The following SLC12A2 variants were observed in gnomAD, a reference collection of about 807,000 sequenced individuals.
The protein encoded by SLC12A2 is solute carrier family 12 member 2.
Under a neutral mutation model 136.3 loss-of-function variants are expected in SLC12A2, and 67 were observed. The ratio of observed to expected loss-of-function variants is 0.49; its 90% CI spans 0.40 to 0.60. The LOEUF (loss-of-function observed/expected upper bound fraction) is 0.60, where lower values mean the gene tolerates loss of function less well. Ranked by LOEUF, SLC12A2 falls within the 20% of genes least tolerant of loss-of-function variation. The pLI is 0.00. For missense variants in SLC12A2, 1,322 were observed against 1,534.7 expected (o/e 0.86, Z 2.32); for synonymous variants, 619 against 562.9 (o/e 1.10, Z -1.41).
intron 1 of SLC12A2, among the ~76,000 whole-genome samples, chr5:128,108,734 T>C (rs879757218): frequency 6.6e-6 from 1 of 152,228 alleles, no homozygotes. Flanking sequence ...TTTGTAGATA[T>C]ACGAAAAATC....
At chr5:128,104,640 GAAAA>G (rs564503110) in intron 1 of SLC12A2, among the ~76,000 whole-genome samples, 1 of 138,600 alleles carries the variant, frequency 7.2e-6, no homozygotes, top group African/African-American at 2.8e-5. Flanking sequence ...TCAAAAAAAA[GAAAA>G]AAAAATATAT....
At chr5:128,108,897 C>G (rs1761039805) in intron 1 of SLC12A2, among the ~76,000 whole-genome samples, 1 of 152,102 alleles carries the variant, frequency 6.6e-6, no homozygotes. Context: ...TGGGGGCATC[C>G]TTTTTATAGT....
intron 22 of SLC12A2, among the ~76,000 whole-genome samples, chr5:128,179,636 A>G (rs1377340341): frequency 1.3e-5 from 2 of 152,138 alleles, no homozygotes; most frequent in African/African-American, 4.8e-5. Flanking sequence ...AGCAAGAGTG[A>G]GAGAGTCATA....
Position 128,138,586 on chromosome 5 carries a change from G to T in SLC12A2, c.1409-11G>T, listed in dbSNP as rs1255380030. ...CTCCATTAATTGTCAAGAATATTTT[G>T]TTCTCTGCAGCTGAAATATTTAATG... is the stretch of plus-strand genomic sequence containing the variant. On this transcript the variant is annotated splice_polypyrimidine_tract_variant and intron_variant, in intron 7 of 26. Transcript: ENST00000262461. The T allele has an allele frequency of 6.2e-7, 1 of 1,601,650 alleles. No individual in the cohort carries two copies. Among genetic ancestry groups the T allele is most frequent in the African/African-American group, 1.4e-5 (1 of 73,904 alleles).
chr5:128,106,582 T>G (rs1296908044), intron 1 of SLC12A2, among the ~76,000 whole-genome samples: 1 of 152,204 alleles, frequency 6.6e-6, no homozygotes, highest in Admixed American at 6.5e-5. Flanking sequence ...ATTGTAGAGA[T>G]AACTAAAACA....
At chr5:128,142,672 G>T (rs1244296612) in intron 10 of SLC12A2, among the ~76,000 whole-genome samples, 1 of 151,868 alleles carries the variant, frequency 6.6e-6, no homozygotes, top group African/African-American at 2.4e-5. Context: ...GTTGATCTTC[G>T]TGTCTGTCCT....
chr5:128,153,203 G>T (rs527918337), intron 15 of SLC12A2, among the ~76,000 whole-genome samples: 1 of 152,212 alleles, frequency 6.6e-6, no homozygotes, highest in East Asian at 1.9e-4. Context: ...CAAAGAATCA[G>T]TGCTTATACT....
intron 1 of SLC12A2, among the ~76,000 whole-genome samples, chr5:128,101,078 A>G (rs1206590560): frequency 1.3e-5 from 2 of 152,166 alleles, no homozygotes; most frequent in Non-Finnish European, 2.9e-5. Flanking sequence ...ACTGGATATT[A>G]ATAGAGCATT....
chr5:128,107,282 T>C (rs530116488), intron 1 of SLC12A2, among the ~76,000 whole-genome samples: 7 of 152,208 alleles, frequency 4.6e-5, no homozygotes, highest in African/African-American at 1.7e-4. Flanking sequence ...TCTTTTACCG[T>C]TTATGCACAC....
intron 14 of SLC12A2, 66 bp downstream of exon 14, chr5:128,151,462 G>A: frequency 7.2e-7 from 1 of 1,385,860 alleles, no homozygotes; most frequent in Non-Finnish European, 9.8e-7. Context: ...ACATCTAGAA[G>A]TTCTTTGTTA....
chr5:128,111,933 A>T (rs901341861), intron 1 of SLC12A2, among the ~76,000 whole-genome samples: 1 of 152,156 alleles, frequency 6.6e-6, no homozygotes, highest in African/African-American at 2.4e-5. Flanking sequence ...CATCTGAAAT[A>T]TAGCCACATT....
At chr5:128,158,736 G>A (rs376775205) in intron 16 of SLC12A2, among the ~76,000 whole-genome samples, 1 of 152,146 alleles carries the variant, frequency 6.6e-6, no homozygotes, top group Non-Finnish European at 1.5e-5. Flanking sequence ...GGATTGCTGA[G>A]TCGAATGATA....
At chr5:128,092,316 GA>G (rs2126641606) in intron 1 of SLC12A2, among the ~76,000 whole-genome samples, 1 of 152,162 alleles carries the variant, frequency 6.6e-6, no homozygotes, top group South Asian at 2.1e-4. Context: ...AAGATGAGAG[GA>G]AGGGGGTGAT....
chr5:128,108,071 T>C (rs1761011966), intron 1 of SLC12A2, among the ~76,000 whole-genome samples: 1 of 152,054 alleles, frequency 6.6e-6, no homozygotes, highest in South Asian at 2.1e-4. Flanking sequence ...TTGGCTGGTT[T>C]ATGCATACTT....
At chr5:128,183,145 A>T (rs1320870129) in intron 24 of SLC12A2, among the ~76,000 whole-genome samples, 1 of 152,106 alleles carries the variant, frequency 6.6e-6, no homozygotes, top group Non-Finnish European at 1.5e-5. Context: ...AGAGGATTTA[A>T]ATTACAGCTT....
At chr5:128,123,690 A>G (rs1581085915) in intron 4 of SLC12A2, among the ~76,000 whole-genome samples, 2 of 152,224 alleles carry the variant, frequency 1.3e-5, no homozygotes, top group East Asian at 1.9e-4. Flanking sequence ...AGATACAACT[A>G]CTTTATCAAA....
intron 15 of SLC12A2, among the ~76,000 whole-genome samples, chr5:128,154,293 G>T (rs986876100): frequency 6.6e-6 from 1 of 151,844 alleles, no homozygotes; most frequent in African/African-American, 2.4e-5. Context: ...AAGTATGATG[G>T]TGCATACCTG....
At chr5:128,096,834 T>G (rs1760557434) in intron 1 of SLC12A2, among the ~76,000 whole-genome samples, 1 of 152,034 alleles carries the variant, frequency 6.6e-6, no homozygotes, top group Non-Finnish European at 1.5e-5. Context: ...AAATAGGCAT[T>G]CATAATAAAC....
At chr5:128,136,393 G>A (rs1309937816) in intron 7 of SLC12A2, among the ~76,000 whole-genome samples, 1 of 152,084 alleles carries the variant, frequency 6.6e-6, no homozygotes, top group Admixed American at 6.6e-5. Flanking sequence ...TGTTAGTTTT[G>A]ATGACTTAGT....
Sources: allele counts gnomAD v4.1 joint callset (sites outside exome capture counted in the v4.1 genomes callset), GRCh38; gene constraint gnomAD v4.1.1; transcripts MANE v1.5; gene names NCBI Gene and HGNC (gene_info 2026-07-23, HGNC 2026-07-21).